Variants in ZNF106 observed in about 807,000 individuals in gnomAD.
ZNF106 encodes zinc finger protein 106, also known as SH3-domain binding protein 3.
A neutral mutation model predicts 195.1 loss-of-function variants in ZNF106; 67 were observed. That is an observed-to-expected ratio of 0.34 (90% CI 0.28 to 0.42). The LOEUF (loss-of-function observed/expected upper bound fraction) is 0.42. Ranked by LOEUF, ZNF106 falls within the 10% of genes least tolerant of loss-of-function variation. ZNF106 has a pLI of 1.00. For synonymous variants in ZNF106, 784 were observed against 818.6 expected (o/e 0.96, Z 0.72); for missense variants, 2,118 against 2,304.5 (o/e 0.92, Z 1.66).
In ZNF106 at chr15:42,450,924, C is replaced by T. The variant is rs768810274; in HGVS notation, c.1348G>A (p.Glu450Lys). 7.4e-6 allele frequency: 12 copies of T among 1,614,002 alleles called. No homozygotes were observed. Among genetic ancestry groups the T allele is most frequent in the East Asian group, 6.7e-5 (3 of 44,900 alleles). ...GCAGTGGGGCACTGTCTCACCACCT[C>T]GAAGGAAGCAGCGGAATCAGAAGAG... Reference protein sequence around the residue: ...KASSDSAASFEVVRQCPTAEK... With the variant: ...KASSDSAASFKVVRQCPTAEK... The change falls in exon 5 of 22, where the codon GAG becomes AAG. Residue 450 changes from glutamate to lysine, a missense_variant. By Grantham distance (56) the Glu-to-Lys change is moderately conservative. Coordinates refer to ENST00000564754, the MANE Select transcript of ZNF106 (RefSeq NM_001366845.3).
chr15:42,433,891 C>T (rs1005455845), intron 14 of ZNF106, among the ~76,000 whole-genome samples: 3 of 152,050 alleles, frequency 2.0e-5, no homozygotes, highest in Admixed American at 6.6e-5. Flanking sequence ...TTCTGTCACC[C>T]AGGCTGTAGT....
At chr15:42,436,414 C>A (rs1007203455) in intron 13 of ZNF106, among the ~76,000 whole-genome samples, 2 of 152,114 alleles carry the variant, frequency 1.3e-5, no homozygotes, top group East Asian at 3.9e-4. Context: ...TTTTTTCAGT[C>A]ATTCGTGTTA....
chr15:42,441,219 T>C (rs2055525153), intron 10 of ZNF106, among the ~76,000 whole-genome samples: 1 of 148,388 alleles, frequency 6.7e-6, no homozygotes, highest in Non-Finnish European at 1.5e-5. Flanking sequence ...GGCAGGCATC[T>C]GTAGTCCTAG....
In ZNF106 at chr15:42,491,127, G is replaced by C. The variant is rs1190954445; in HGVS notation, c.-180C>G. 6.6e-6 allele frequency: 1 copy of C among 152,382 alleles called. No individual in the cohort carries two copies. Among genetic ancestry groups the C allele is most frequent in the African/African-American group, 2.4e-5 (1 of 41,450 alleles). The allele number at this position is 152,382 out of a possible 1,614,324, so 9.4% of individuals were successfully genotyped here. On this transcript the variant is annotated 5_prime_UTR_variant, in exon 1 of 22. Coordinates refer to ENST00000564754, the MANE Select transcript of ZNF106 (RefSeq NM_001366845.3). ...GGGCCCCGCCACAGCCGCCGCCAAC[G>C]CGCAGGCGCACACCGAAGCCGTCAC...
chr15:42,459,513 A>G (rs1319579346), intron 3 of ZNF106, among the ~76,000 whole-genome samples: 3 of 152,012 alleles, frequency 2.0e-5, no homozygotes, highest in African/African-American at 4.8e-5. Flanking sequence ...ATAATCCTCA[A>G]CTTTCTCCAG....
chr15:42,446,926 T>A (rs1420315786), intron 6 of ZNF106, among the ~76,000 whole-genome samples: 2 of 152,214 alleles, frequency 1.3e-5, no homozygotes. Flanking sequence ...AAGCATTTCA[T>A]CTTGGTGTAG....
At chr15:42,475,709 T>G (rs1219777958) in intron 1 of ZNF106, among the ~76,000 whole-genome samples, 1 of 152,220 alleles carries the variant, frequency 6.6e-6, no homozygotes, top group African/African-American at 2.4e-5. Context: ...ATGCGTTATT[T>G]TGTTACTTCA....
At position 42,449,894 on chromosome 15, in the gene ZNF106, T is replaced by C. The variant is rs1285185001; in HGVS notation, c.2378A>G (p.Lys793Arg). 1 of 1,614,204 alleles carries C rather than the reference T, an allele frequency of 6.2e-7. No homozygotes were observed. The highest frequency in any genetic ancestry group is 1.1e-5 in the South Asian group (1 of 91,070). Residue 793 changes from lysine to arginine, a missense_variant, in exon 5 of 22, where the codon AAG (lysine) becomes AGG (arginine). By Grantham distance (26) the Lys-to-Arg change is conservative (BLOSUM62 2). Coordinates refer to ENST00000564754, the MANE Select transcript of ZNF106 (RefSeq NM_001366845.3). ...ISGHRKSETE[K>R]ESGLKPTLRQ... ...TAGGGTTGGCTTGAGCCCAGACTCC[T>C]TCTCTGTCTCACTCTTTCGGTGACC...
chr15:42,439,828 A>G lies in ZNF106; in HGVS notation c.3764-15T>C. 1 of 1,498,048 alleles carries G rather than the reference A, an allele frequency of 6.7e-7. No homozygotes were observed. The highest frequency in any genetic ancestry group is 8.9e-7 in the Non-Finnish European group (1 of 1,128,110). The allele number at this position is 1,498,048 out of a possible 1,614,324, so 92.8% of individuals were successfully genotyped here. On this transcript the variant is annotated splice_polypyrimidine_tract_variant and intron_variant, in intron 10 of 21. Transcript: ENST00000564754. ...ACTGATCTCTCCTGAATTGAGAGGA[A>G]AAAAATTATTGCATCCTTTTTTGTG...
At chr15:42,453,628 C>T (rs1425677261) in intron 4 of ZNF106, among the ~76,000 whole-genome samples, 1 of 149,478 alleles carries the variant, frequency 6.7e-6, no homozygotes, top group African/African-American at 2.5e-5. Context: ...TGGAGTCTCG[C>T]TTTGTCGCCC....
intron 3 of ZNF106, among the ~76,000 whole-genome samples, chr15:42,462,699 G>C (rs775728238): frequency 6.6e-6 from 1 of 152,238 alleles, no homozygotes; most frequent in Non-Finnish European, 1.5e-5. Context: ...ATAGGATTTA[G>C]AGGGGAAAGG....
chr15:42,442,546 T>C, intron 9 of ZNF106, 132 bp from the exon 10 acceptor site: 1 of 679,544 alleles, frequency 1.5e-6, no homozygotes, highest in Non-Finnish European at 2.4e-6. Flanking sequence ...TCCCTCATAA[T>C]TCTCCGAAAT....
chr15:42,422,451 T>G, intron 18 of ZNF106, 50 bp downstream of exon 18: 6 of 1,593,216 alleles, frequency 3.8e-6, no homozygotes, highest in Non-Finnish European at 4.3e-6. Flanking sequence ...TAAACCCAAA[T>G]AGACAATCTC....
At chr15:42,472,980 T>C (rs1396742539) in intron 1 of ZNF106, among the ~76,000 whole-genome samples, 6 of 146,354 alleles carry the variant, frequency 4.1e-5, no homozygotes, top group Admixed American at 1.4e-4. Flanking sequence ...CACTCCAGCC[T>C]GGGCGACAGA....
intron 1 of ZNF106, among the ~76,000 whole-genome samples, chr15:42,484,843 A>G (rs2056974818): frequency 6.6e-6 from 1 of 152,104 alleles, no homozygotes; most frequent in African/African-American, 2.4e-5. Context: ...TGATTTACAC[A>G]TTAACTATGC....
chr15:42,462,360 G>A (rs1363784770), intron 3 of ZNF106, among the ~76,000 whole-genome samples: 13 of 152,334 alleles, frequency 8.5e-5, no homozygotes, highest in Non-Finnish European at 4.4e-5. Flanking sequence ...CACTTTGGGA[G>A]GCCGAGGCAG....
chr15:42,468,952 G>A (rs948020439), intron 2 of ZNF106, among the ~76,000 whole-genome samples: 2 of 151,722 alleles, frequency 1.3e-5, no homozygotes, highest in African/African-American at 4.8e-5. Context: ...TTTGGGAGAC[G>A]GAGGCGGGTG....
chr15:42,444,517 A>T (rs1381240169), intron 8 of ZNF106, among the ~76,000 whole-genome samples: 1 of 152,230 alleles, frequency 6.6e-6, no homozygotes, highest in Admixed American at 6.5e-5. Context: ...CAAATTCCTT[A>T]AACCCTCATA....
At chr15:42,452,810 C>T (rs112131577) in intron 4 of ZNF106, among the ~76,000 whole-genome samples, 1 of 151,276 alleles carries the variant, frequency 6.6e-6, no homozygotes, top group Non-Finnish European at 1.5e-5. Context: ...CTCAGACTCC[C>T]GACTAGCTGG....
Sources: gnomAD v4.1 joint callset for allele counts (sites outside exome capture counted in the v4.1 genomes callset) on GRCh38, gnomAD v4.1.1 for gene constraint, MANE v1.5 for transcripts, NCBI Gene and HGNC (gene_info 2026-07-23, HGNC 2026-07-21) for gene names.